Variants in VNN2 observed in about 807,000 individuals in gnomAD.
VNN2 encodes vanin 2, also known as pantetheine hydrolase VNN2.
In VNN2, 43 loss-of-function variants were observed where a neutral mutation model predicts 43.0. The ratio of observed to expected loss-of-function variants is 1.00; its 90% CI spans 0.78 to 1.29. The LOEUF (loss-of-function observed/expected upper bound fraction) is 1.29. Ranked by LOEUF, VNN2 falls within the 50% of genes most tolerant of loss-of-function variation. The pLI is 0.00. For synonymous variants in VNN2, 230 were observed against 224.3 expected, an observed-to-expected ratio of 1.03 and a Z score of -0.23; for missense variants, 652 against 619.7, an observed-to-expected ratio of 1.05 and a Z score of -0.55.
intron 3 of VNN2, among the ~76,000 whole-genome samples, chr6:132,755,078 G>T (rs1780370073): frequency 6.6e-6 from 1 of 152,156 alleles, no homozygotes; most frequent in African/African-American, 2.4e-5. Flanking sequence ...GCTGAGGCAG[G>T]AGGATCACTA....
chr6:132,757,515 G>A lies in VNN2; in HGVS notation c.245C>T (p.Ala82Val). The A allele has an allele frequency of 6.2e-7, 1 of 1,614,004 alleles. No individual in the cohort carries two copies. Residue 82 changes from alanine (A) to valine (V), a missense_variant, in exon 2 of 7, where the codon GCA becomes GTA. Transcript: ENST00000326499. ...CCTGGTAAATTTCCATCCATAAAGT[G>A]CATCTTCTGGAGTCACAATGATTCG... ...GARIIVTPEDALYGWKFTRET... is the reference protein window; with the variant it reads ...GARIIVTPEDVLYGWKFTRET...
chr6:132,754,519 G>T (rs140311032), intron 3 of VNN2, among the ~76,000 whole-genome samples: 5 of 152,262 alleles, frequency 3.3e-5, no homozygotes, highest in African/African-American at 9.6e-5. Flanking sequence ...AACTGAGACT[G>T]CCAGGAGATA....
intron 1 of VNN2, among the ~76,000 whole-genome samples, chr6:132,763,128 C>T (rs1780776387): frequency 6.6e-6 from 1 of 151,648 alleles, no homozygotes; most frequent in Non-Finnish European, 1.5e-5. Context: ...AATAAATCCA[C>T]AGGAACTGGA....
upstream of VNN2, chr6:132,760,931 C>A (rs1341029712): frequency 1.3e-5 from 2 of 151,906 alleles, no homozygotes; most frequent in Non-Finnish European, 2.9e-5. Flanking sequence ...TTATTTGAAG[C>A]ATCTAAAAAT....
chr6:132,744,416 A>G lies in VNN2; in HGVS notation c.1447T>C (p.Trp483Arg), dbSNP rs758810438. 1 of 1,613,454 alleles carries G rather than the reference A, an allele frequency of 6.2e-7. No individual in the cohort carries two copies. The highest frequency in any genetic ancestry group is 8.5e-7 in the Non-Finnish European group (1 of 1,179,798). Residue 483 changes from tryptophan to arginine, a missense_variant, in exon 7 of 7, where the codon TGG becomes CGG. Transcript: ENST00000326499. ...PILTVSLFGR[W>R]YTKDSLYSSC... ...CTGTAAAGTGAGTCCTTTGTGTACC[A>G]CCTCCCAAAGAGTGACACTGTTAGT...
rs764979951 is a variant in VNN2 at position 132,749,784 on chromosome 6, T to C, written c.1282A>G (p.Met428Val). 9 of 1,614,012 alleles carry C rather than the reference T, an allele frequency of 5.6e-6. No homozygotes were observed. The Admixed American group carries it at 1.3e-4, about 24-fold the overall frequency. Residue 428 changes from methionine (M) to valine (V), a missense_variant, in exon 6 of 7, where the codon ATG becomes GTG. Met to Val is a conservative substitution (Grantham distance 21). Transcript: ENST00000326499. ...PVETASTRFEMFSLSGTFGTE... is the reference protein window; with the variant it reads ...PVETASTRFEVFSLSGTFGTE... ...CCAAATGTGCCACTGAGGGAGAACA[T>C]TTCAAATCTTGTAGAAGCAGTTTCT...
At chr6:132,759,307 T>C (rs34988221), upstream of VNN2, among the ~76,000 whole-genome samples, 6,636 of 151,404 alleles carry the variant, frequency 0.044, 260 homozygotes, top group African/African-American at 0.096. Context: ...GTCGTGGTGG[T>C]GGGCGCCTGT....
At chr6:132,756,177 C>T in intron 2 of VNN2, 142 bp from the exon 3 acceptor site, 2 of 793,074 alleles carry the variant, frequency 2.5e-6, no homozygotes, top group South Asian at 2.1e-5. Context: ...ACTTTAAAAG[C>T]CACAGATGAT....
intron 6 of VNN2, among the ~76,000 whole-genome samples, chr6:132,746,728 G>A (rs1307810913): frequency 6.6e-6 from 1 of 152,120 alleles, no homozygotes; most frequent in Non-Finnish European, 1.5e-5. Context: ...TCTATCATTT[G>A]TACTTTTGAG....
At chr6:132,757,641 A>G in intron 1 of VNN2, 30 bp downstream of exon 1, 2 of 1,611,416 alleles carry the variant, frequency 1.2e-6, no homozygotes, top group Non-Finnish European at 1.7e-6. Flanking sequence ...CCCCTCGTGT[A>G]CATTATGATT....
chr6:132,753,459 C>G (rs1457416424), intron 3 of VNN2: 1 of 453,870 alleles, frequency 2.2e-6, no homozygotes. Flanking sequence ...CTTTAGTGTC[C>G]CATCCAAAGT....
chr6:132,753,598 G>C (rs1582829426), intron 3 of VNN2: 12 of 348,284 alleles, frequency 3.4e-5, no homozygotes, highest in South Asian at 2.7e-4. Flanking sequence ...TAATAAAATG[G>C]TCTGCAGTGT....
intron 6 of VNN2, among the ~76,000 whole-genome samples, chr6:132,745,816 G>A (rs1779682284): frequency 2.0e-5 from 3 of 152,176 alleles, no homozygotes; most frequent in Non-Finnish European, 1.5e-5. Context: ...AAGGAAACAT[G>A]CATAGACAGT....
intron 6 of VNN2, 33 bp downstream of exon 6, chr6:132,749,662 A>G (rs1779930972): frequency 6.3e-7 from 1 of 1,578,994 alleles, no homozygotes; most frequent in Non-Finnish European, 8.6e-7. Flanking sequence ...GAGAACATAT[A>G]AAATGAAAAT....
chr6:132,760,549 A>G (rs957355580), upstream of VNN2: 16 of 152,070 alleles, frequency 1.1e-4, no homozygotes, highest in African/African-American at 2.9e-4. Context: ...CTAAGTGCTA[A>G]TGAAATTTCT....
chr6:132,756,245 G>A (rs545695803), intron 2 of VNN2, among the ~76,000 whole-genome samples: 13 of 151,982 alleles, frequency 8.6e-5, no homozygotes, highest in East Asian at 5.8e-4. Flanking sequence ...TTCATTATTC[G>A]GTCTCCTGCC....
At chr6:132,755,653 G>T (rs1305193004) in intron 3 of VNN2, among the ~76,000 whole-genome samples, 190 bp downstream of exon 3, 1 of 151,838 alleles carries the variant, frequency 6.6e-6, no homozygotes, top group Non-Finnish European at 1.5e-5. Flanking sequence ...GGGCTTACAG[G>T]CATAAGCCTC....
chr6:132,744,244 C>T lies in VNN2; in HGVS notation c.*56G>A, dbSNP rs376154148. On this transcript the variant is annotated 3_prime_UTR_variant, in exon 7 of 7. Transcript: ENST00000326499. ...AAGTTTCTTAGTAAACTTGGGAAGC[C>T]GATAAACACATTCAGCCAAGCATAT... 60 of 1,521,066 alleles carry T rather than the reference C, an allele frequency of 3.9e-5. No individual in the cohort carries two copies. The highest frequency in any genetic ancestry group is 2.0e-4 in the Middle Eastern group (1 of 5,022). The allele number at this position is 1,521,066 out of a possible 1,614,324, so 94.2% of individuals were successfully genotyped here. A position where few individuals can be genotyped will look rare whatever the true frequency, so the allele number is the denominator to read the frequency against.
upstream of VNN2, among the ~76,000 whole-genome samples, chr6:132,758,828 T>A (rs1780650290): frequency 6.6e-6 from 1 of 152,196 alleles, no homozygotes; most frequent in Non-Finnish European, 1.5e-5. Flanking sequence ...GTATAGTTAG[T>A]GCCTACAGCA....
Sources: gnomAD v4.1 joint callset for allele counts (sites outside exome capture counted in the v4.1 genomes callset) on GRCh38, gnomAD v4.1.1 for gene constraint, MANE v1.5 for transcripts, NCBI Gene and HGNC (gene_info 2026-07-23, HGNC 2026-07-21) for gene names.